The following CNTN5 variants were observed in gnomAD, a reference collection of about 807,000 sequenced individuals.
CNTN5 encodes the protein contactin-5.
A neutral mutation model predicts 129.1 loss-of-function variants in CNTN5; 77 were observed. The ratio of observed to expected loss-of-function variants is 0.60; its 90% CI spans 0.50 to 0.72. The LOEUF is 0.72. Ranked by LOEUF, CNTN5 falls within the 30% of genes least tolerant of loss-of-function variation. CNTN5 has a pLI of 0.00. For missense variants in CNTN5, 1,478 were observed against 1,328.8 expected (o/e 1.11, Z -1.75); for synonymous variants, 509 against 465.6 (o/e 1.09, Z -1.20).
At chr11:99,337,316 A>G in intron 2 of CNTN5, among the ~76,000 whole-genome samples, 1 of 152,174 alleles carries the variant, frequency 6.6e-6, no homozygotes, top group Non-Finnish European at 1.5e-5. Context: ...AGAAAGATAG[A>G]GGTGTGAAGT....
chr11:99,503,427 A>G (rs1233647020), intron 2 of CNTN5, among the ~76,000 whole-genome samples: 1 of 152,214 alleles, frequency 6.6e-6, no homozygotes, highest in Non-Finnish European at 1.5e-5. Context: ...CTAGATTCTC[A>G]GCCTCATATT....
chr11:99,199,192 G>A (rs1447016321), intron 1 of CNTN5, among the ~76,000 whole-genome samples: 3 of 152,036 alleles, frequency 2.0e-5, no homozygotes, highest in Non-Finnish European at 4.4e-5. Context: ...TTACATCAAA[G>A]TCTTCAAAAA....
chr11:99,212,223 T>G (rs936918267), intron 1 of CNTN5, among the ~76,000 whole-genome samples: 16 of 152,072 alleles, frequency 1.1e-4, no homozygotes, highest in Admixed American at 7.2e-4. Context: ...ACATCACCAT[T>G]TTACATAAAA....
At chr11:99,068,741 G>T (rs1359523736) in intron 1 of CNTN5, among the ~76,000 whole-genome samples, 1 of 152,170 alleles carries the variant, frequency 6.6e-6, no homozygotes, top group East Asian at 1.9e-4. Context: ...ACAAGGCAGA[G>T]AAACATTAAA....
chr11:99,924,280 G>T (rs760391678), intron 7 of CNTN5, among the ~76,000 whole-genome samples: 21 of 151,942 alleles, frequency 1.4e-4, no homozygotes, highest in Non-Finnish European at 7.4e-5. Flanking sequence ...TGGTTTTGTT[G>T]CATTTGCTTT....
At chr11:99,526,946 T>G (rs1019102809) in intron 2 of CNTN5, among the ~76,000 whole-genome samples, 1 of 143,974 alleles carries the variant, frequency 6.9e-6, no homozygotes, top group African/African-American at 2.4e-5. Context: ...ACAGTCGGGT[T>G]TGATTGAACA....
chr11:99,035,368 GGT>G (rs1470648691), intron 1 of CNTN5, among the ~76,000 whole-genome samples: 1 of 151,974 alleles, frequency 6.6e-6, no homozygotes, highest in African/African-American at 2.4e-5. Context: ...CTGACAGTGG[GGT>G]GTTAAAGTCT....
chr11:99,463,319 T>TC (rs1168796922), intron 2 of CNTN5, among the ~76,000 whole-genome samples: 1 of 149,326 alleles, frequency 6.7e-6, no homozygotes, highest in African/African-American at 2.5e-5. Flanking sequence ...GCGCCTGTAG[T>TC]CCCAGCTACT....
At chr11:99,378,736 G>C (rs1043963870) in intron 2 of CNTN5, among the ~76,000 whole-genome samples, 1 of 151,886 alleles carries the variant, frequency 6.6e-6, no homozygotes, top group Non-Finnish European at 1.5e-5. Context: ...AAAATCACTA[G>C]GCTAGGTTTA....
At chr11:100,013,333 T>C (rs758973953) in intron 9 of CNTN5, among the ~76,000 whole-genome samples, 2 of 152,120 alleles carry the variant, frequency 1.3e-5, no homozygotes, top group Non-Finnish European at 2.9e-5. Flanking sequence ...CCCCATAAAC[T>C]TATACAAATA....
intron 21 of CNTN5, among the ~76,000 whole-genome samples, chr11:100,317,294 A>G (rs1180299853): frequency 2.0e-5 from 3 of 152,168 alleles, no homozygotes; most frequent in Non-Finnish European, 4.4e-5. Flanking sequence ...GGGGGAGGAA[A>G]TGTATATGTG....
At chr11:100,296,331 G>A (rs985141192) in intron 18 of CNTN5, among the ~76,000 whole-genome samples, 20 of 151,516 alleles carry the variant, frequency 1.3e-4, no homozygotes, top group African/African-American at 4.6e-4. Context: ...TACAGTTATT[G>A]CTCTAATTGC....
intron 13 of CNTN5, among the ~76,000 whole-genome samples, chr11:100,151,715 T>C (rs1017587767): frequency 6.6e-6 from 1 of 152,202 alleles, no homozygotes; most frequent in African/African-American, 2.4e-5. Context: ...GCAATTTAGA[T>C]AGATATGCTT....
chr11:99,534,518 A>C (rs1223574308), intron 2 of CNTN5, among the ~76,000 whole-genome samples: 4 of 150,902 alleles, frequency 2.7e-5, no homozygotes, highest in Non-Finnish European at 5.9e-5. Context: ...CATAGTTAGA[A>C]TAATTTGATG....
At chr11:100,281,053 ATGT>A (rs1950624888) in intron 18 of CNTN5, among the ~76,000 whole-genome samples, 1 of 152,004 alleles carries the variant, frequency 6.6e-6, no homozygotes, top group African/African-American at 2.4e-5. Context: ...ATGTATTTGA[ATGT>A]TGTTGTAGTT....
intron 3 of CNTN5, among the ~76,000 whole-genome samples, chr11:99,624,484 T>C (rs1951060310): frequency 1.3e-5 from 2 of 152,162 alleles, no homozygotes; most frequent in Non-Finnish European, 2.9e-5. Flanking sequence ...AGGTAAGTGT[T>C]AATCCTCCTT....
chr11:99,711,300 C>T (rs1954977242), intron 3 of CNTN5, among the ~76,000 whole-genome samples: 1 of 151,894 alleles, frequency 6.6e-6, no homozygotes, highest in Non-Finnish European at 1.5e-5. Context: ...AAAAGTAACA[C>T]ATAACTGTTA....
In CNTN5 at chr11:99,738,615, A is replaced by AAGTGTGTGTGTG. The variant is rs201365714; in HGVS notation, c.56-80929_56-80928insAGTGTGTGTGTG. Among the ~76,000 whole-genome samples, 447 of 113,580 alleles carry AAGTGTGTGTGTG rather than the reference A, an allele frequency of 3.9e-3. 1 individual carries two copies. The highest frequency in any genetic ancestry group is 0.014 in the African/African-American group (422 of 31,136). 74.5% of individuals were successfully genotyped at this position (113,580 alleles called of 152,430 possible). ...AAAATGATACATTCATAAGACAGTA[A>AAGTGTGTGTGTG]CGTGTGTGTGTGTGTGTGTGTGTGT... is the stretch of plus-strand genomic sequence containing the variant. On this transcript the variant is annotated intron_variant, in intron 3 of 24. Transcript: ENST00000524871.
chr11:100,000,690 A>G (rs1054256446), intron 8 of CNTN5, among the ~76,000 whole-genome samples: 1 of 152,188 alleles, frequency 6.6e-6, no homozygotes, highest in African/African-American at 2.4e-5. Flanking sequence ...GCATTGCCCT[A>G]GTAGAGGTTC....
Sources: allele counts gnomAD v4.1 joint callset (sites outside exome capture counted in the v4.1 genomes callset), GRCh38; gene constraint gnomAD v4.1.1; transcripts MANE v1.5; gene names NCBI Gene and HGNC (gene_info 2026-07-23, HGNC 2026-07-21).